The following FGFR1 variants were observed in gnomAD, a reference collection of about 807,000 sequenced individuals.
FGFR1 encodes fibroblast growth factor receptor 1.
A neutral mutation model predicts 93.7 loss-of-function variants in FGFR1; 18 were observed. The ratio of observed to expected loss-of-function variants is 0.19; its 90% CI spans 0.13 to 0.28. The LOEUF (loss-of-function observed/expected upper bound fraction) is 0.28. FGFR1 is among the 10% of genes least tolerant of loss of function. The pLI, the probability that FGFR1 is intolerant of heterozygous loss-of-function variation, is 1.00. For missense variants in FGFR1, 731 were observed against 1,080.4 expected, an observed-to-expected ratio of 0.68 and a Z score of 4.53; for synonymous variants, 448 against 429.3, an observed-to-expected ratio of 1.04 and a Z score of -0.54.
intron 15 of FGFR1, 65 bp from the exon 16 acceptor site, chr8:38,414,354 C>G (rs1192808370): frequency 1.2e-6 from 2 of 1,611,350 alleles, no homozygotes; most frequent in Admixed American, 1.7e-5. Context: ...CAGCACAAAT[C>G]CTCTACCCAG....
Position 38,446,322 on chromosome 8 carries a change from C to T in FGFR1, c.91+11034G>A, listed in dbSNP as rs922078132. Among the ~76,000 whole-genome samples the T allele has an allele frequency of 5.9e-5, 9 of 151,874 alleles. No individual in the cohort carries two copies. The South Asian group carries it at 1.2e-3, about 21-fold the overall frequency. ...GACTCCCTGGTTCAAGCGATTCTCC[C>T]GCCTCAGCCTCCCGAGTACTTGGGA... On this transcript the variant is annotated intron_variant, in intron 2 of 17. Coordinates refer to ENST00000447712, the MANE Select transcript of FGFR1 (RefSeq NM_023110.3).
rs1018523759 is a variant in FGFR1, at chr8:38,429,449, G to A, written c.358+233C>T. 8.3e-5 allele frequency: 58 copies of A among 701,172 alleles called. No homozygotes were observed. The East Asian group carries it at 1.4e-3, about 16-fold the overall frequency. 43.4% of individuals were successfully genotyped at this position (701,172 alleles called of 1,614,324 possible). On this transcript the variant is annotated intron_variant, in intron 3 of 17. Coordinates refer to ENST00000447712, the MANE Select transcript of FGFR1 (RefSeq NM_023110.3). The surrounding 1 kb of genome is among the most constrained non-coding windows in gnomAD (Gnocchi z 4.4). ...CCCAAGAGCCCTGGCAATCACCTCC[G>A]AGGTGTGTCCTGGAAGCCCCAGATC...
intron 2 of FGFR1, among the ~76,000 whole-genome samples, chr8:38,433,360 G>A (rs1213784077): frequency 1.3e-5 from 2 of 151,978 alleles, no homozygotes; most frequent in Non-Finnish European, 2.9e-5. Flanking sequence ...GCCCAGTCTG[G>A]AGTGCAGTGG....
Position 38,414,175 on chromosome 8 carries a change from C to T in FGFR1, c.2163G>A (p.Lys721=), listed in dbSNP as rs375706099. 2.6e-5 allele frequency: 42 copies of T among 1,614,108 alleles called. No homozygotes were observed. The highest frequency in any genetic ancestry group is 3.4e-5 in the Non-Finnish European group (40 of 1,180,040). Residue 721 remains lysine, a synonymous_variant, in exon 16 of 18, where the codon AAG becomes AAA. Coordinates refer to ENST00000447712, the MANE Select transcript of FGFR1 (RefSeq NM_023110.3). ...ACAGCTCGTTGGTGCAGTTACTGGG[C>T]TTGTCCATGCGGTGACCCTCCTTCA... The part of the protein sequence containing the change: ...KLLKEGHRMD[K]PSNCTNELYM...
rs543518207 is a variant in FGFR1 at position 38,415,026 on chromosome 8, C to T, written c.1855-125G>A. The T allele has an allele frequency of 2.4e-5, 17 of 712,810 alleles. No homozygotes were observed. The Admixed American group carries it at 2.7e-4, about 11-fold the overall frequency. The allele number at this position is 712,810 out of a possible 1,614,324, so 44.2% of individuals were successfully genotyped here. A position where few individuals can be genotyped will look rare whatever the true frequency, so the allele number is the denominator to read the frequency against. ...ACTTCTGCCACACTGCTCTGCCCCCCGAACCTTTGCTTTCCCTCTTCTAAC... is the reference window on the plus strand; with the variant it reads ...ACTTCTGCCACACTGCTCTGCCCCCTGAACCTTTGCTTTCCCTCTTCTAAC... On this transcript the variant is annotated intron_variant, in intron 13 of 17. Transcript: ENST00000447712.
At position 38,444,499 on chromosome 8, in the gene FGFR1, C is replaced by T. The variant is rs190194921; in HGVS notation, c.91+12857G>A. Among the ~76,000 whole-genome samples, 251 of 151,880 alleles carry T rather than the reference C, an allele frequency of 1.7e-3. 1 individual carries two copies. The highest frequency in any genetic ancestry group is 5.8e-3 in the African/African-American group (240 of 41,374). On this transcript the variant is annotated intron_variant, in intron 2 of 17. Transcript: ENST00000447712. ...CACCTCCCTGGCTCAAGTGATCCCC[C>T]CACCTCAGCCCCCCAAGCAGCTGGG...
chr8:38,425,825 T>G, intron 6 of FGFR1: 1 of 444,534 alleles, frequency 2.2e-6, no homozygotes, highest in South Asian at 2.1e-5. Flanking sequence ...ACAGCTCCTA[T>G]TACGCTACAT....
intron 2 of FGFR1, 128 bp downstream of exon 2, chr8:38,457,228 A>C: frequency 1.0e-6 from 1 of 998,630 alleles, no homozygotes; most frequent in Non-Finnish European, 1.5e-6. Flanking sequence ...ACAGGAAGGG[A>C]GTTCTTTGCT....
intron 2 of FGFR1, among the ~76,000 whole-genome samples, chr8:38,432,898 T>TCCCCCCCCCCCCCCCCCCCCCCCC (rs1346478781): frequency 1.1e-5 from 1 of 89,408 alleles, no homozygotes; most frequent in Admixed American, 1.2e-4. Context: ...GGGCTGTCCC[T>TCCCCCCCCCCCCCCCCCCCCCCCC]CCCCACCGCG....
rs987585700 is a variant in FGFR1, at chr8:38,433,796, G to A, written c.92-3848C>T. 4.6e-5 allele frequency among the ~76,000 whole-genome samples: 7 copies of A among 152,176 alleles called. No homozygotes were observed. The South Asian group carries it at 6.2e-4, about 14-fold the overall frequency. On this transcript the variant is annotated intron_variant, in intron 2 of 17. Transcript: ENST00000447712. ...ACAGCAGACAGGTAATTCACATGCT[G>A]TAATATTCATCCATTTAATGGTTTT... is the stretch of plus-strand genomic sequence containing the variant.
rs761457546 is a variant in FGFR1 at position 38,429,984 on chromosome 8, G to A, written c.92-36C>T. 25 of 1,574,174 alleles carry A rather than the reference G, an allele frequency of 1.6e-5. No homozygotes were observed. Among genetic ancestry groups the A allele is most frequent in the Admixed American group, 1.3e-4 (7 of 55,778 alleles). ...CACGGGGCCGGGAAGGGAAGCCAAG[G>A]GGCGAGAGAGGAAGACAGGGAGAGG... On this transcript the variant is annotated intron_variant, in intron 2 of 17. Transcript: ENST00000447712. The surrounding 1 kb of genome is among the most constrained non-coding windows in gnomAD (Gnocchi z 4.4).
At chr8:38,452,222 C>G (rs903700710) in intron 2 of FGFR1, among the ~76,000 whole-genome samples, 10 of 151,544 alleles carry the variant, frequency 6.6e-5, no homozygotes, top group East Asian at 3.9e-4. Context: ...CACACACACA[C>G]ACACACACAC....
intron 3 of FGFR1, chr8:38,428,732 A>T (rs976591951): frequency 9.1e-6 from 4 of 440,600 alleles, no homozygotes; most frequent in African/African-American, 8.0e-5. Context: ...GCGCTTTCTC[A>T]ACTTGTGGTG....
intron 13 of FGFR1, 77 bp downstream of exon 13, chr8:38,415,793 A>G (rs1391343620): frequency 1.2e-5 from 17 of 1,433,418 alleles, no homozygotes; most frequent in Admixed American, 5.3e-5. Flanking sequence ...CCACAAGATG[A>G]TAAGTCACAG....
At position 38,429,241 on chromosome 8, in the gene FGFR1, G is replaced by A; in HGVS notation, c.358+441C>T. 2.1e-6 allele frequency: 1 copy of A among 476,016 alleles called. No homozygotes were observed. The highest frequency in any genetic ancestry group is 1.5e-5 in the South Asian group (1 of 65,300). 29.5% of individuals were successfully genotyped at this position (476,016 alleles called of 1,614,324 possible). A position where few individuals can be genotyped will look rare whatever the true frequency, so the allele number is the denominator to read the frequency against. On this transcript the variant is annotated intron_variant, in intron 3 of 17. Transcript: ENST00000447712. This position sits in a 1 kb window ranked among gnomAD's most constrained non-coding sequence, Gnocchi z 4.4. ...GCTGCCCTCGCACAGCTCCCTTGCG[G>A]TGCACCTGGGTTCCTCTCCAGCAGA...
At chr8:38,457,573 T>C (rs1278421800) in intron 1 of FGFR1, 39 bp from the exon 2 acceptor site, 1 of 1,538,890 alleles carries the variant, frequency 6.5e-7, no homozygotes, top group Non-Finnish European at 8.7e-7. Flanking sequence ...TAGGAGGGTC[T>C]AGGTAGGGGA....
chr8:38,465,409 C>G, intron 1 of FGFR1: 1 of 232,322 alleles, frequency 4.3e-6, no homozygotes, highest in Non-Finnish European at 8.5e-6. Flanking sequence ...AAAAAGCTGA[C>G]ACTCAGCTAT....
intron 12 of FGFR1, 106 bp downstream of exon 12, chr8:38,417,200 T>C (rs1816964719): frequency 1.1e-6 from 1 of 892,834 alleles, no homozygotes; most frequent in Admixed American, 1.7e-5. Flanking sequence ...AAGCAGCCTC[T>C]CTTAACCCCC....
In FGFR1 at chr8:38,429,505, CCTCT is replaced by C. The variant is rs1438731477; in HGVS notation, c.358+173_358+176del. ...CCCTGGGGCCCACCCCACCTAGTCA[CCTCT>C]CTGAGAGCCAAGCCACGCGGCAGGC... is the stretch of plus-strand genomic sequence containing the variant. On this transcript the variant is annotated intron_variant, in intron 3 of 17. Coordinates refer to ENST00000447712, the MANE Select transcript of FGFR1 (RefSeq NM_023110.3). The surrounding 1 kb of genome is among the most constrained non-coding windows in gnomAD (Gnocchi z 4.4). 9 of 784,396 alleles carry C rather than the reference CCTCT, an allele frequency of 1.1e-5. No homozygotes were observed. The highest frequency in any genetic ancestry group is 1.7e-5 in the African/African-American group (1 of 58,498). The allele number at this position is 784,396 out of a possible 1,614,324, so 48.6% of individuals were successfully genotyped here.
Sources: allele counts gnomAD v4.1 joint callset (sites outside exome capture counted in the v4.1 genomes callset), GRCh38; gene constraint gnomAD v4.1.1; non-coding constraint Gnocchi (gnomAD v3.1); transcripts MANE v1.5; gene names NCBI Gene and HGNC (gene_info 2026-07-23, HGNC 2026-07-21).